Variants in VWA5A observed in about 807,000 individuals in gnomAD.
VWA5A encodes the protein von Willebrand factor A domain containing 5A, also known as von Willebrand factor A domain-containing protein 5A.
A neutral mutation model predicts 84.6 loss-of-function variants in VWA5A; 77 were observed. That is an observed-to-expected ratio of 0.91 (90% CI 0.76 to 1.10). The LOEUF is 1.10. Among genes scored for constraint, VWA5A ranks in the 50% least tolerant of loss-of-function variants. VWA5A has a pLI of 0.00. For synonymous variants in VWA5A, 334 were observed against 350.1 expected, an observed-to-expected ratio of 0.95 and a Z score of 0.51; for missense variants, 973 against 963.0, an observed-to-expected ratio of 1.01 and a Z score of -0.14.
chr11:124,119,933 CTTT>C (rs1246921962), intron 7 of VWA5A, among the ~76,000 whole-genome samples: 1 of 152,132 alleles, frequency 6.6e-6, no homozygotes, highest in Non-Finnish European at 1.5e-5. Context: ...TTCTTAATTT[CTTT>C]TTTATCTAAT....
intron 17 of VWA5A, among the ~76,000 whole-genome samples, chr11:124,144,952 T>G (rs753547754): frequency 4.6e-5 from 7 of 152,196 alleles, no homozygotes; most frequent in Non-Finnish European, 8.8e-5. Context: ...GTTTTGCCTG[T>G]GTTTCTCTTA....
chr11:124,145,811 G>T (rs1421518127), intron 18 of VWA5A, 55 bp from the exon 19 acceptor site: 1 of 1,529,236 alleles, frequency 6.5e-7, no homozygotes, highest in East Asian at 2.4e-5. Context: ...GGGAGGTTTG[G>T]AGGAGCCTCT....
chr11:124,135,522 C>CT (rs60188800), intron 12 of VWA5A, among the ~76,000 whole-genome samples: 14,681 of 84,284 alleles, frequency 0.17, 1,899 homozygotes, highest in African/African-American at 0.2. Flanking sequence ...GGTGGTATTT[C>CT]TTTTTTTTTT....
intron 7 of VWA5A, among the ~76,000 whole-genome samples, chr11:124,120,212 A>T (rs910898472): frequency 1.3e-5 from 2 of 152,050 alleles, no homozygotes; most frequent in Non-Finnish European, 2.9e-5. Flanking sequence ...TTTAATGTTT[A>T]TTACTTTTGA....
At chr11:124,131,809 A>C (rs1390866440) in intron 11 of VWA5A, among the ~76,000 whole-genome samples, 1 of 151,350 alleles carries the variant, frequency 6.6e-6, no homozygotes, top group Non-Finnish European at 1.5e-5. Context: ...TTTTTTTAAA[A>C]AATTTTCTTC....
At position 124,142,750 on chromosome 11, in the gene VWA5A, G is replaced by A. The variant is rs962640181; in HGVS notation, c.2154+178G>A. 2.6e-5 allele frequency among the ~76,000 whole-genome samples: 4 copies of A among 152,160 alleles called. No individual in the cohort carries two copies. In the East Asian group the frequency reaches 5.8e-4, roughly 22 times the overall value. ...TCATGTTAGAGCAGAAAGATCAAGG[G>A]ATTAATGGGGAAGCTAGTAGGAATT... On this transcript the variant is annotated intron_variant, in intron 17 of 18. Coordinates refer to ENST00000456829, the MANE Select transcript of VWA5A (RefSeq NM_001130142.2).
intron 5 of VWA5A, 55 bp from the exon 6 acceptor site, chr11:124,118,478 A>G: frequency 6.2e-7 from 1 of 1,611,636 alleles, no homozygotes; most frequent in Non-Finnish European, 8.5e-7. Context: ...CTTAAGGTTG[A>G]GAGTGTCATA....
rs779870356 is a variant in VWA5A, at chr11:124,117,861, C to T, written c.232C>T (p.Gln78Ter). 1.2e-6 allele frequency: 2 copies of T among 1,614,052 alleles called. No homozygotes were observed. Among genetic ancestry groups the T allele is most frequent in the Admixed American group, 1.7e-5 (1 of 59,994 alleles). ...TGGGAAGAAAATTGTAGCAGAATTA[C>T]AAGACAAGATGAAGGTAGTAGAGAT... ...VDGKKIVAELQDKMKARTNYE... is the reference protein window; with the variant it reads ...VDGKKIVAEL Residue 78 changes from glutamine to a stop codon, truncating the protein, a stop_gained, in exon 4 of 19, where the codon CAA becomes TAA. Coordinates refer to ENST00000456829, the MANE Select transcript of VWA5A (RefSeq NM_001130142.2). LOFTEE classifies it high-confidence loss of function.
At chr11:124,145,743 A>G in intron 18 of VWA5A, 123 bp from the exon 19 acceptor site, 1 of 1,030,866 alleles carries the variant, frequency 9.7e-7, no homozygotes, top group Non-Finnish European at 1.4e-6. Context: ...GGGTAGCAAG[A>G]AAAGAAAAAG....
intron 15 of VWA5A, among the ~76,000 whole-genome samples, chr11:124,140,318 G>A (rs922514042): frequency 1.3e-5 from 2 of 152,142 alleles, no homozygotes. Context: ...ACACTAGAGA[G>A]CTTGATGGAA....
intron 14 of VWA5A, 132 bp from the exon 15 acceptor site, chr11:124,136,883 C>T (rs1386954896): frequency 7.6e-7 from 1 of 1,310,948 alleles, no homozygotes; most frequent in African/African-American, 1.5e-5. Flanking sequence ...TATTTCTAAA[C>T]CACCCAAGTC....
Position 124,141,630 on chromosome 11 carries a change from C to T in VWA5A, c.1912C>T (p.Pro638Ser). ...AAAGGCCTTACACTCTGACCGTCCT[C>T]CTTCTGCATCTCAGCCCAGAGGGGA... Reference protein sequence around the residue: ...FRKALHSDRPPSASQPRGELM... With the variant: ...FRKALHSDRPSSASQPRGELM... The change falls in exon 16 of 19, where the codon CCT becomes TCT. Residue 638 changes from proline (P) to serine (S), a missense_variant. Coordinates refer to ENST00000456829, the MANE Select transcript of VWA5A (RefSeq NM_001130142.2). 1 of 1,614,140 alleles carries T rather than the reference C, an allele frequency of 6.2e-7. No individual in the cohort carries two copies. Among genetic ancestry groups the T allele is most frequent in the Non-Finnish European group, 8.5e-7 (1 of 1,180,036 alleles).
chr11:124,118,137 T>C (rs376902022), intron 4 of VWA5A, 52 bp from the exon 5 acceptor site: 2 of 1,577,676 alleles, frequency 1.3e-6, no homozygotes, highest in Non-Finnish European at 1.7e-6. Flanking sequence ...TTTTCAGCCA[T>C]GTCACCTTGG....
At chr11:124,128,905 A>G (rs1392631065) in intron 11 of VWA5A, among the ~76,000 whole-genome samples, 1 of 152,262 alleles carries the variant, frequency 6.6e-6, no homozygotes, top group African/African-American at 2.4e-5. Context: ...TTTTCTAAAT[A>G]GACAATAATG....
chr11:124,118,114 A>T, intron 4 of VWA5A, 75 bp from the exon 5 acceptor site: 1 of 1,497,402 alleles, frequency 6.7e-7, no homozygotes. Flanking sequence ...GTCGCTCTGC[A>T]CTGCTCGTCT....
chr11:124,142,086 C>G (rs1029124995), intron 16 of VWA5A, among the ~76,000 whole-genome samples: 11 of 152,138 alleles, frequency 7.2e-5, no homozygotes, highest in Non-Finnish European at 1.2e-4. Context: ...CAGGGTCAGC[C>G]TAGCTAGGTT....
chr11:124,119,993 C>T (rs1591356508), intron 7 of VWA5A, among the ~76,000 whole-genome samples: 1 of 152,120 alleles, frequency 6.6e-6, no homozygotes, highest in Non-Finnish European at 1.5e-5. Context: ...GCAGTCTCAA[C>T]TGAAGTTTTT....
chr11:124,136,045 T>A lies in VWA5A; in HGVS notation c.1360-84T>A, dbSNP rs12293463. On this transcript the variant is annotated intron_variant, in intron 12 of 18. Coordinates refer to ENST00000456829, the MANE Select transcript of VWA5A (RefSeq NM_001130142.2). The stretch of plus-strand genomic sequence containing the variant: ...GGCATGACATGTATTATGTATCACA[T>A]CTGATACATAATAAATGTCCAGTTA... The A allele has an allele frequency of 4.6e-3, 6,708 of 1,473,164 alleles. 267 individuals are homozygous for A. The African/African-American group carries it at 0.082, about 18-fold the overall frequency. 91.3% of individuals were successfully genotyped at this position (1,473,164 alleles called of 1,614,324 possible). A position where few individuals can be genotyped will look rare whatever the true frequency, so the allele number is the denominator to read the frequency against.
rs1285615079 is a variant in VWA5A at position 124,136,611 on chromosome 11, C to G, written c.1562C>G (p.Thr521Arg). 9.3e-6 allele frequency: 15 copies of G among 1,614,166 alleles called. No homozygotes were observed. Among genetic ancestry groups the G allele is most frequent in the Non-Finnish European group, 1.3e-5 (15 of 1,180,034 alleles). Residue 521 changes from threonine to arginine, a missense_variant, in exon 14 of 19, where the codon ACA becomes AGA. Transcript: ENST00000456829. ...ACAGGAGAAGTATGCCTCAAATATA[C>G]ACTCCAGGGCAAGACTTTTGAGGAT... ...ETTGEVCLKY[T>R]LQGKTFEDKV...
Sources: gnomAD v4.1 joint callset for allele counts (sites outside exome capture counted in the v4.1 genomes callset) on GRCh38, gnomAD v4.1.1 for gene constraint, MANE v1.5 for transcripts, NCBI Gene and HGNC (gene_info 2026-07-23, HGNC 2026-07-21) for gene names.